The following ORC4 variants were observed in gnomAD, a reference collection of about 807,000 sequenced individuals.
ORC4 encodes the protein origin recognition complex subunit 4, also known as origin recognition complex, subunit 4 homolog.
In ORC4, 55 loss-of-function variants were observed where a neutral mutation model predicts 63.9. The observed-to-expected ratio is 0.86, with a 90% CI of 0.69 to 1.08. ORC4 has a LOEUF of 1.08. ORC4 is among the 50% of genes least tolerant of loss of function. ORC4 has a pLI of 0.00. For missense variants in ORC4, 511 were observed against 504.4 expected, an observed-to-expected ratio of 1.01 and a Z score of -0.13; for synonymous variants, 150 against 168.5, an observed-to-expected ratio of 0.89 and a Z score of 0.85.
intron 6 of ORC4, among the ~76,000 whole-genome samples, chr2:147,956,936 G>A (rs1402846515): frequency 4.0e-5 from 6 of 151,602 alleles, no homozygotes; most frequent in Non-Finnish European, 8.8e-5. Flanking sequence ...CTTTGGCTCA[G>A]TATAGGCCAC....
chr2:148,008,184 T>C (rs1692739073), intron 1 of ORC4, among the ~76,000 whole-genome samples: 1 of 152,154 alleles, frequency 6.6e-6, no homozygotes, highest in African/African-American at 2.4e-5. Flanking sequence ...GAAAAGGACA[T>C]TAACAAGCAA....
At chr2:147,973,592 G>T in intron 2 of ORC4, 68 bp from the exon 3 acceptor site, 1 of 910,762 alleles carries the variant, frequency 1.1e-6, no homozygotes, top group Non-Finnish European at 1.7e-6. Context: ...AAATAAGAAA[G>T]CACATTTACA....
chr2:148,004,604 C>T (rs1692509944), intron 1 of ORC4, among the ~76,000 whole-genome samples: 4 of 152,056 alleles, frequency 2.6e-5, no homozygotes, highest in Non-Finnish European at 5.9e-5. Context: ...TTCCTTACAC[C>T]TTATACAAAA....
At chr2:147,949,848 T>C (rs977781052) in intron 8 of ORC4, among the ~76,000 whole-genome samples, 5 of 152,188 alleles carry the variant, frequency 3.3e-5, no homozygotes, top group African/African-American at 4.8e-5. Flanking sequence ...TATTCTTTCC[T>C]ATGTATATTG....
intron 8 of ORC4, among the ~76,000 whole-genome samples, chr2:147,950,976 CT>C (rs1688928004): frequency 1.4e-5 from 2 of 146,734 alleles, no homozygotes; most frequent in African/African-American, 5.0e-5. Flanking sequence ...GAGGATGCTT[CT>C]TTGATCCTTG....
intron 1 of ORC4, among the ~76,000 whole-genome samples, chr2:147,984,185 G>A (rs1221109662): frequency 6.6e-6 from 1 of 152,012 alleles, no homozygotes; most frequent in African/African-American, 2.4e-5. Flanking sequence ...AACCTGTCTT[G>A]TCTCCCCTTC....
chr2:147,935,421 A>G lies in ORC4; in HGVS notation c.*89T>C. ...ACATAAATACAAGAATGTTTATAGAATGTTTAGCATATCATGTTAATGGAC... is the reference window on the plus strand; with the variant it reads ...ACATAAATACAAGAATGTTTATAGAGTGTTTAGCATATCATGTTAATGGAC... On this transcript the variant is annotated 3_prime_UTR_variant, in exon 14 of 14. Coordinates refer to ENST00000392857, the MANE Select transcript of ORC4 (RefSeq NM_181741.4). The G allele has an allele frequency of 1.1e-6, 1 of 951,842 alleles. No homozygotes were observed. Among genetic ancestry groups the G allele is most frequent in the South Asian group, 1.3e-5 (1 of 75,396 alleles). The allele number at this position is 951,842 out of a possible 1,614,324, so 59.0% of individuals were successfully genotyped here.
chr2:147,989,432 G>A (rs565217329), intron 1 of ORC4, among the ~76,000 whole-genome samples: 2 of 152,194 alleles, frequency 1.3e-5, no homozygotes, highest in East Asian at 1.9e-4. Context: ...TCGGCTGGGC[G>A]CAGTGGCTCA....
At chr2:148,004,662 A>G (rs1692516039) in intron 1 of ORC4, among the ~76,000 whole-genome samples, 1 of 152,220 alleles carries the variant, frequency 6.6e-6, no homozygotes, top group East Asian at 1.9e-4. Context: ...AAAACTCTAT[A>G]AGAAAACCTA....
rs1687977810 is a variant in ORC4, at chr2:147,935,129, T to C, written c.*381A>G. 5.3e-6 allele frequency: 1 copy of C among 189,412 alleles called. No homozygotes were observed. The highest frequency in any genetic ancestry group is 5.5e-5 in the Admixed American group (1 of 18,198). 11.7% of individuals were successfully genotyped at this position (189,412 alleles called of 1,614,324 possible). A position where few individuals can be genotyped will look rare whatever the true frequency, so the allele number is the denominator to read the frequency against. On this transcript the variant is annotated 3_prime_UTR_variant, in exon 14 of 14. Transcript: ENST00000392857. The stretch of plus-strand genomic sequence containing the variant: ...ACCTGCTGTACCAAAGGTTACTTAT[T>C]ATACTTCAGTGCTTACCATTGTTTT...
At chr2:147,990,420 G>T (rs919823747) in intron 1 of ORC4, among the ~76,000 whole-genome samples, 9 of 152,102 alleles carry the variant, frequency 5.9e-5, no homozygotes, top group Non-Finnish European at 1.5e-5. Flanking sequence ...TTTGTACAGA[G>T]GTAAAGATTA....
rs1243568235 is a variant in ORC4, at chr2:147,934,346, G to GTTAATTCATGGATCTTGGAACTTAC, written c.*1139_*1163dup. On this transcript the variant is annotated 3_prime_UTR_variant, in exon 14 of 14. Transcript: ENST00000392857. The stretch of plus-strand genomic sequence containing the variant: ...AATTTCATTTTAAATATATGCCTCT[G>GTTAATTCATGGATCTTGGAACTTAC]TTAATTCATGGATCTTGGAACTTAC... The GTTAATTCATGGATCTTGGAACTTAC allele has an allele frequency of 6.6e-6, 1 of 152,150 alleles. No individual in the cohort carries two copies. The highest frequency in any genetic ancestry group is 1.5e-5 in the Non-Finnish European group (1 of 68,020). 9.4% of individuals were successfully genotyped at this position (152,150 alleles called of 1,614,324 possible).
chr2:147,956,992 A>C (rs566571907), intron 6 of ORC4, among the ~76,000 whole-genome samples: 5 of 151,518 alleles, frequency 3.3e-5, no homozygotes, highest in Non-Finnish European at 7.4e-5. Context: ...TATTAGATTT[A>C]TAGATGGGGC....
chr2:147,947,558 C>T (rs1221723610), intron 9 of ORC4: 4 of 152,624 alleles, frequency 2.6e-5, no homozygotes, highest in Admixed American at 6.6e-5. Context: ...ATGTGATCAC[C>T]TATTAGATAA....
At chr2:148,002,484 A>C (rs542913422) in intron 1 of ORC4, among the ~76,000 whole-genome samples, 8 of 152,318 alleles carry the variant, frequency 5.3e-5, no homozygotes, top group African/African-American at 1.4e-4. Flanking sequence ...AACTATGTGG[A>C]AACTGAACAA....
At chr2:148,004,933 C>A (rs1573889690) in intron 1 of ORC4, among the ~76,000 whole-genome samples, 1 of 152,112 alleles carries the variant, frequency 6.6e-6, no homozygotes, top group South Asian at 2.1e-4. Flanking sequence ...TGTGGAAAAA[C>A]AGGAACGCTT....
At chr2:147,968,734 A>C (rs1359020266) in intron 4 of ORC4, among the ~76,000 whole-genome samples, 1 of 152,050 alleles carries the variant, frequency 6.6e-6, no homozygotes, top group Admixed American at 6.6e-5. Context: ...TTCCCCAAAA[A>C]CCACTACAAA....
At chr2:147,975,545 T>C (rs1015422960) in intron 2 of ORC4, among the ~76,000 whole-genome samples, 1 of 142,418 alleles carries the variant, frequency 7.0e-6, no homozygotes, top group African/African-American at 2.6e-5. Flanking sequence ...AAGAAAAAAG[T>C]AAAAGCTAGA....
In ORC4 at chr2:147,993,014, T is replaced by C. The variant is rs545283005; in HGVS notation, c.-17-17039A>G. ...CCATTCCAGAAAGGGTGCTGTTCCA[T>C]ACCCGGAAGGAAAGAATGCTGCACA... On this transcript the variant is annotated intron_variant, in intron 1 of 13. Coordinates refer to ENST00000392857, the MANE Select transcript of ORC4 (RefSeq NM_181741.4). 1.2e-4 allele frequency among the ~76,000 whole-genome samples: 19 copies of C among 152,324 alleles called. No individual in the cohort carries two copies. In the East Asian group the frequency reaches 2.1e-3, roughly 17 times the overall value.
Sources: allele counts gnomAD v4.1 joint callset (sites outside exome capture counted in the v4.1 genomes callset), GRCh38; gene constraint gnomAD v4.1.1; transcripts MANE v1.5; gene names NCBI Gene and HGNC (gene_info 2026-07-23, HGNC 2026-07-21).